The following FXYD5 variants were observed in gnomAD, a reference collection of about 807,000 sequenced individuals.
FXYD5 encodes FXYD domain containing ion transport regulator 5, also known as FXYD domain-containing ion transport regulator 5.
FXYD5 carries 21 observed loss-of-function variants against 25.7 expected under a neutral mutation model. The ratio of observed to expected loss-of-function variants is 0.82; its 90% confidence interval spans 0.58 to 1.18. The LOEUF is 1.18. Ranked by LOEUF, FXYD5 falls within the 50% of genes most tolerant of loss-of-function variation. The pLI is 0.00. For synonymous variants in FXYD5, 101 were observed against 90.7 expected (o/e 1.11, Z -0.64); for missense variants, 229 against 227.7 (o/e 1.01, Z -0.04).
chr19:35,158,278 A>C (rs921621857), intron 3 of FXYD5, 66 bp from the exon 4 acceptor site: 12 of 1,006,772 alleles, frequency 1.2e-5, no homozygotes, highest in African/African-American at 1.1e-4. Flanking sequence ...ATCTCCACCC[A>C]TAGACCTTGC....
chr19:35,156,016 T>G (rs1285573115), intron 2 of FXYD5, among the ~76,000 whole-genome samples: 2 of 152,188 alleles, frequency 1.3e-5, no homozygotes, highest in African/African-American at 4.8e-5. Flanking sequence ...TGGCAACATC[T>G]CAGCCTTGCC....
intron 4 of FXYD5, chr19:35,159,399 C>A: frequency 7.0e-7 from 1 of 1,423,652 alleles, no homozygotes; most frequent in Non-Finnish European, 9.4e-7. Context: ...TTAAGGAGAC[C>A]TTATGATTGT....
chr19:35,168,063 AT>A (rs989707865), intron 8 of FXYD5, among the ~76,000 whole-genome samples: 1 of 146,968 alleles, frequency 6.8e-6, no homozygotes, highest in Non-Finnish European at 1.5e-5. Flanking sequence ...TACACAAATA[AT>A]TTTTTTTACT....
At chr19:35,158,290 C>T in intron 3 of FXYD5, 54 bp from the exon 4 acceptor site, 1 of 1,160,094 alleles carries the variant, frequency 8.6e-7, no homozygotes, top group Admixed American at 1.7e-5. Flanking sequence ...AGACCTTGCC[C>T]ACTTCTTTTT....
intron 4 of FXYD5, among the ~76,000 whole-genome samples, chr19:35,158,750 T>A (rs550646741): frequency 1.3e-5 from 2 of 152,304 alleles, no homozygotes; most frequent in South Asian, 2.1e-4. Flanking sequence ...TCCCATTTAT[T>A]TCTTCCTTTC....
At position 35,155,692 on chromosome 19, in the gene FXYD5, G is replaced by T. The variant is rs1376963406; in HGVS notation, c.61+81G>T. The T allele has an allele frequency of 2.9e-6, 3 of 1,044,710 alleles. No homozygotes were observed. The African/African-American group carries it at 4.7e-5, about 16-fold the overall frequency. 64.7% of individuals were successfully genotyped at this position (1,044,710 alleles called of 1,614,324 possible). ...CACGTGTGCTGCGGGGTGGGTGGTT[G>T]GCCCGTGTGAACGTTGTCCTGCCCT... On this transcript the variant is annotated intron_variant, in intron 2 of 8. Coordinates refer to ENST00000392219, the MANE Select transcript of FXYD5 (RefSeq NM_014164.6).
At chr19:35,159,579 T>C in intron 4 of FXYD5, 4 of 1,550,616 alleles carry the variant, frequency 2.6e-6, no homozygotes, top group Non-Finnish European at 3.5e-6. Flanking sequence ...GTTTCCAGCT[T>C]TTTCTGTCTA....
At chr19:35,156,172 A>G (rs1181063901) in intron 2 of FXYD5, among the ~76,000 whole-genome samples, 1 of 152,184 alleles carries the variant, frequency 6.6e-6, no homozygotes, top group Non-Finnish European at 1.5e-5. Context: ...CTGATGAGGA[A>G]ACTGAGGCTC....
rs763059750 is a variant in FXYD5, at chr19:35,158,385, A to G, written c.184A>G (p.Thr62Ala). 4 of 1,598,842 alleles carry G rather than the reference A, an allele frequency of 2.5e-6. No homozygotes were observed. Among genetic ancestry groups the G allele is most frequent in the African/African-American group, 1.3e-5 (1 of 74,550 alleles). Residue 62 changes from threonine to alanine, a missense_variant, in exon 4 of 9, where the codon ACC becomes GCC. Physicochemically the swap from Thr to Ala is moderately conservative, Grantham distance 58 (BLOSUM62 0). Coordinates refer to ENST00000392219, the MANE Select transcript of FXYD5 (RefSeq NM_014164.6). ...TELQPTSPTPTWPADETPQPQ... is the reference protein window; with the variant it reads ...TELQPTSPTPAWPADETPQPQ... ...ACTCCAGCCCACCTCTCCAACCCCA[A>G]CCTGGCCTGCTGATGGTGAGTAGTG...
chr19:35,157,360 CG>C, intron 2 of FXYD5, 60 bp from the exon 3 acceptor site: 1 of 815,750 alleles, frequency 1.2e-6, no homozygotes, highest in Non-Finnish European at 2.1e-6. Context: ...GAGGCGAGGG[CG>C]GGGGTGGTGA....
At chr19:35,160,668 T>C (rs752142980) in intron 4 of FXYD5, 41 bp from the exon 5 acceptor site, 1 of 1,376,848 alleles carries the variant, frequency 7.3e-7, no homozygotes, top group Admixed American at 1.7e-5. Flanking sequence ...CCCCAGTGAC[T>C]CTTTCTTATC....
chr19:35,155,483 C>G, intron 1 of FXYD5, 68 bp from the exon 2 acceptor site: 3 of 1,291,814 alleles, frequency 2.3e-6, no homozygotes, highest in Non-Finnish European at 3.3e-6. Flanking sequence ...GCTGCAGGAT[C>G]CCCGGGGGCT....
At chr19:35,158,254 C>A (rs556909424) in intron 3 of FXYD5, 90 bp from the exon 4 acceptor site, 3 of 823,830 alleles carry the variant, frequency 3.6e-6, no homozygotes, top group South Asian at 1.4e-5. Context: ...TGAGTTGCTA[C>A]GGGAATCTCT....
chr19:35,157,762 C>A, intron 3 of FXYD5: 1 of 359,164 alleles, frequency 2.8e-6, no homozygotes. Flanking sequence ...CCCTTGAAGC[C>A]TGGGGCTGTC....
intron 8 of FXYD5, 90 bp from the exon 9 acceptor site, chr19:35,169,476 G>C (rs1238415509): frequency 3.1e-6 from 3 of 971,490 alleles, no homozygotes; most frequent in Admixed American, 1.7e-5. Context: ...CGAGGGGCAG[G>C]GTTGATCAAT....
chr19:35,161,120 G>T (rs1389607378), intron 5 of FXYD5, among the ~76,000 whole-genome samples: 1 of 152,034 alleles, frequency 6.6e-6, no homozygotes, highest in Non-Finnish European at 1.5e-5. Flanking sequence ...CCCTCGGAGG[G>T]CTGGGGCTAT....
At chr19:35,155,232 G>A in intron 1 of FXYD5, 1 of 438,104 alleles carries the variant, frequency 2.3e-6, no homozygotes, top group East Asian at 4.5e-5. Context: ...TGAGGGATAA[G>A]CGCCTGGCGG....
chr19:35,159,464 A>G, intron 4 of FXYD5: 1 of 1,542,368 alleles, frequency 6.5e-7, no homozygotes, highest in East Asian at 2.4e-5. Flanking sequence ...TTCTTCTCAC[A>G]TCACTGCATA....
chr19:35,166,196 G>A, intron 7 of FXYD5, 25 bp downstream of exon 7: 6 of 1,613,162 alleles, frequency 3.7e-6, no homozygotes, highest in Non-Finnish European at 5.1e-6. Flanking sequence ...GGAAGATGTG[G>A]GGGAAGGAAA....
Sources: gnomAD v4.1 joint callset for allele counts (sites outside exome capture counted in the v4.1 genomes callset) on GRCh38, gnomAD v4.1.1 for gene constraint, MANE v1.5 for transcripts, NCBI Gene and HGNC (gene_info 2026-07-23, HGNC 2026-07-21) for gene names.